The following CLCN6 variants were observed in gnomAD, a reference collection of about 807,000 sequenced individuals.
CLCN6 encodes the protein H(+)/Cl(-) exchange transporter 6.
CLCN6 carries 70 observed loss-of-function variants against 109.8 expected under a neutral mutation model. The observed-to-expected ratio is 0.64, with a 90% CI of 0.53 to 0.78. The LOEUF is 0.78. Ranked by LOEUF, CLCN6 falls within the 30% of genes least tolerant of loss-of-function variation. The pLI is 0.00. For missense variants in CLCN6, 984 were observed against 1,142.3 expected, an observed-to-expected ratio of 0.86 and a Z score of 2.00; for synonymous variants, 444 against 447.8, an observed-to-expected ratio of 0.99 and a Z score of 0.11.
intron 13 of CLCN6, among the ~76,000 whole-genome samples, chr1:11,831,914 A>G (rs1644888815): frequency 6.6e-6 from 1 of 152,170 alleles, no homozygotes; most frequent in African/African-American, 2.4e-5. Flanking sequence ...GCCTAAAATG[A>G]TCTCCTGTTT....
At chr1:11,823,882 G>C in intron 7 of CLCN6, 49 bp downstream of exon 7, 1 of 1,606,066 alleles carries the variant, frequency 6.2e-7, no homozygotes, top group Non-Finnish European at 8.5e-7. Flanking sequence ...GGGCAGAGAC[G>C]ACAAGAAGCA....
At chr1:11,811,390 T>TA (rs1644597510) in intron 2 of CLCN6, among the ~76,000 whole-genome samples, 1 of 152,018 alleles carries the variant, frequency 6.6e-6, no homozygotes. Flanking sequence ...GTCAATTTTT[T>TA]TTTTTTTTTG....
chr1:11,819,693 C>A, intron 5 of CLCN6, 139 bp downstream of exon 5: 1 of 704,010 alleles, frequency 1.4e-6, no homozygotes, highest in Non-Finnish European at 2.5e-6. Flanking sequence ...TTCTAATGAT[C>A]ACTGAAGGAC....
chr1:11,812,260 AATAAAGGATATC>A (rs1172198340), intron 2 of CLCN6, among the ~76,000 whole-genome samples: 1 of 152,224 alleles, frequency 6.6e-6, no homozygotes. Flanking sequence ...CTAGTTTATT[AATAAAGGATATC>A]ATAAAGGATA....
chr1:11,808,227 TTGTGTGTGTGTGTGTGTGTGTGTGTG>T (rs3073085), intron 2 of CLCN6, among the ~76,000 whole-genome samples: 2 of 139,160 alleles, frequency 1.4e-5, no homozygotes, highest in African/African-American at 5.4e-5. Context: ...GTGTGTGTGT[TTGTGTGTGTGTGTGTGTGTGTGTGTG>T]TGTGTGTGTG....
intron 2 of CLCN6, among the ~76,000 whole-genome samples, chr1:11,812,600 G>A (rs896773133): frequency 2.7e-5 from 4 of 146,484 alleles, no homozygotes; most frequent in African/African-American, 7.7e-5. Flanking sequence ...GCCCCCAGCC[G>A]CCACTCATCT....
At chr1:11,824,204 A>G (rs1644782472) in intron 7 of CLCN6, among the ~76,000 whole-genome samples, 1 of 152,254 alleles carries the variant, frequency 6.6e-6, no homozygotes. Flanking sequence ...TTAAGAACGT[A>G]AAAGCCAGTC....
chr1:11,832,900 C>A (rs1289994602), intron 13 of CLCN6, among the ~76,000 whole-genome samples: 4 of 152,110 alleles, frequency 2.6e-5, no homozygotes, highest in Non-Finnish European at 5.9e-5. Flanking sequence ...AAGAAATAAT[C>A]TCTTTTTCTG....
At chr1:11,829,606 C>T (rs1198919146) in intron 13 of CLCN6, among the ~76,000 whole-genome samples, 1 of 145,062 alleles carries the variant, frequency 6.9e-6, no homozygotes, top group African/African-American at 2.6e-5. Flanking sequence ...ACAACCCTGG[C>T]GTCACAGAGG....
chr1:11,838,458 C>G lies in CLCN6; in HGVS notation c.2403+16C>G. 6.2e-7 allele frequency: 1 copy of G among 1,613,196 alleles called. No individual in the cohort carries two copies. The highest frequency in any genetic ancestry group is 1.3e-5 in the African/African-American group (1 of 75,056). On this transcript the variant is annotated intron_variant, in intron 21 of 22. Coordinates refer to ENST00000346436, the MANE Select transcript of CLCN6 (RefSeq NM_001286.5). ...CATGATCGTGGTGAGAAGGGCTGCC[C>G]CGGCCTGTCCCATGCGGAGCTGCCT... is the stretch of plus-strand genomic sequence containing the variant.
intron 5 of CLCN6, among the ~76,000 whole-genome samples, chr1:11,821,186 T>C (rs1644738991): frequency 6.6e-6 from 1 of 151,140 alleles, no homozygotes. Context: ...TAAAACACCA[T>C]AAATAAAGTG....
In CLCN6 at chr1:11,838,643, G is replaced by A. The variant is rs1157522156; in HGVS notation, c.2512G>A (p.Val838Met). ...RTMGLRHLPV[V>M]NAVGEIVGII... is the part of the protein sequence containing the mutation. ...GATGGGCCTGCGCCACCTGCCCGTG[G>A]TGAACGCTGTGGGAGAGGTGAGCGA... Residue 838 changes from valine to methionine, a missense_variant, in exon 22 of 23, where the codon GTG (valine) becomes ATG (methionine). Val to Met is a conservative substitution (Grantham distance 21). Transcript: ENST00000346436. 3 of 1,614,112 alleles carry A rather than the reference G, an allele frequency of 1.9e-6. No individual in the cohort carries two copies. Among genetic ancestry groups the A allele is most frequent in the South Asian group, 2.2e-5 (2 of 91,084 alleles).
In CLCN6 at chr1:11,834,719, C is replaced by A. The variant is rs1338734338; in HGVS notation, c.1793+129C>A. 2.5e-6 allele frequency: 2 copies of A among 806,420 alleles called. No individual in the cohort carries two copies. The highest frequency in any genetic ancestry group is 1.7e-5 in the African/African-American group (1 of 58,536). 50.0% of individuals were successfully genotyped at this position (806,420 alleles called of 1,614,324 possible). On this transcript the variant is annotated intron_variant, in intron 17 of 22. Transcript: ENST00000346436. This position sits in a 1 kb window ranked among gnomAD's most constrained non-coding sequence, Gnocchi z 4.5. ...GCTGAAAGAAGCAACACACCCATTCCTGAGCATGTGTGAGAATGTGGAGCA... is the reference window on the plus strand; with the variant it reads ...GCTGAAAGAAGCAACACACCCATTCATGAGCATGTGTGAGAATGTGGAGCA...
chr1:11,828,415 C>T, intron 11 of CLCN6, 43 bp from the exon 12 acceptor site: 4 of 1,608,878 alleles, frequency 2.5e-6, no homozygotes, highest in Middle Eastern at 1.7e-4. Context: ...GTTCTCATGG[C>T]TGCTATGGTT....
chr1:11,841,767 G>C lies in CLCN6; in HGVS notation c.*1544G>C, dbSNP rs1265214161. The C allele has an allele frequency of 6.6e-6, 1 of 152,230 alleles. No homozygotes were observed. The highest frequency in any genetic ancestry group is 2.4e-5 in the African/African-American group (1 of 41,448). The allele number at this position is 152,230 out of a possible 1,614,324, so 9.4% of individuals were successfully genotyped here. A position where few individuals can be genotyped will look rare whatever the true frequency, so the allele number is the denominator to read the frequency against. On this transcript the variant is annotated 3_prime_UTR_variant, in exon 23 of 23. Transcript: ENST00000346436. ...CAGATCTTGCGCTCAGCACACTCTA[G>C]GGAATAATTCCACTCCAGAGATGGG... is the stretch of plus-strand genomic sequence containing the variant.
Position 11,811,209 on chromosome 1 carries a change from A to C in CLCN6, c.147+4019A>C, listed in dbSNP as rs55738737. ...CTGGGTGACAGAGCGAGACCCTGAC[A>C]AAAAAAAAAGGGATTCTGGTGTTCT... On this transcript the variant is annotated intron_variant, in intron 2 of 22. Transcript: ENST00000346436. Among the ~76,000 whole-genome samples the C allele has an allele frequency of 1.3e-4, 20 of 148,284 alleles. 1 individual carries two copies. The highest frequency in any genetic ancestry group is 9.8e-4 in the East Asian group (5 of 5,096).
intron 13 of CLCN6, among the ~76,000 whole-genome samples, chr1:11,830,764 T>TATACAC (rs1202765592): frequency 3.5e-5 from 4 of 115,610 alleles, no homozygotes; most frequent in African/African-American, 1.5e-4. Flanking sequence ...TATATATATA[T>TATACAC]ACACACACAC....
chr1:11,828,070 C>G lies in CLCN6; in HGVS notation c.841-36C>G, dbSNP rs755089605. 17 of 1,511,086 alleles carry G rather than the reference C, an allele frequency of 1.1e-5. No homozygotes were observed. In the East Asian group the frequency reaches 2.7e-4, roughly 24 times the overall value. The allele number at this position is 1,511,086 out of a possible 1,614,324, so 93.6% of individuals were successfully genotyped here. A position where few individuals can be genotyped will look rare whatever the true frequency, so the allele number is the denominator to read the frequency against. ...TTGGGAGAGAGTAGGACATGCCACT[C>G]CTGAACCTTCTTGTCTTTTGTCACC... On this transcript the variant is annotated intron_variant, in intron 10 of 22. Coordinates refer to ENST00000346436, the MANE Select transcript of CLCN6 (RefSeq NM_001286.5).
intron 13 of CLCN6, among the ~76,000 whole-genome samples, chr1:11,832,071 A>G (rs568124666): frequency 4.6e-5 from 7 of 152,304 alleles, no homozygotes; most frequent in African/African-American, 1.7e-4. Flanking sequence ...AGTACTTTAT[A>G]TGATTTCATT....
Sources: allele counts gnomAD v4.1 joint callset (sites outside exome capture counted in the v4.1 genomes callset), GRCh38; gene constraint gnomAD v4.1.1; non-coding constraint Gnocchi (gnomAD v3.1); transcripts MANE v1.5; gene names NCBI Gene and HGNC (gene_info 2026-07-23, HGNC 2026-07-21).